The following BNC2 variants were observed in gnomAD, a reference collection of about 807,000 sequenced individuals.
The protein encoded by BNC2 is basonuclin zinc finger protein 2.
BNC2 carries 20 observed loss-of-function variants against 76.3 expected under a neutral mutation model. The ratio of observed to expected loss-of-function variants is 0.26; its 90% CI spans 0.18 to 0.38. The LOEUF (loss-of-function observed/expected upper bound fraction) is 0.38, where lower values mean the gene tolerates loss of function less well. Ranked by LOEUF, BNC2 falls within the 10% of genes least tolerant of loss-of-function variation. The probability of loss-of-function intolerance (pLI) is 1.00; values close to 1 mark genes in which losing one functional copy is unlikely to be tolerated. For synonymous variants in BNC2, 582 were observed against 514.8 expected (o/e 1.13, Z -1.77); for missense variants, 1,382 against 1,399.8 (o/e 0.99, Z 0.20).
intron 5 of BNC2, among the ~76,000 whole-genome samples, chr9:16,479,402 G>C (rs1000474615): frequency 4.6e-5 from 7 of 152,172 alleles, no homozygotes; most frequent in African/African-American, 1.7e-4. Context: ...TCATGCCAAA[G>C]AATACAGCAC....
intron 5 of BNC2, among the ~76,000 whole-genome samples, chr9:16,485,014 G>A (rs1217521556): frequency 6.6e-6 from 1 of 152,058 alleles, no homozygotes; most frequent in African/African-American, 2.4e-5. Flanking sequence ...TGTACAAGAA[G>A]AGGACTGCCG....
chr9:16,746,252 AG>A (rs1222237167), intron 1 of BNC2, among the ~76,000 whole-genome samples: 64 of 152,324 alleles, frequency 4.2e-4, no homozygotes, highest in African/African-American at 1.5e-3. Context: ...TTAAATTTTT[AG>A]GAAACTTACA....
chr9:16,636,558 C>A (rs1232600194), intron 3 of BNC2, among the ~76,000 whole-genome samples: 2 of 152,118 alleles, frequency 1.3e-5, no homozygotes, highest in Non-Finnish European at 2.9e-5. Context: ...CTACCTCGGC[C>A]TCCCAAAGTG....
At chr9:16,486,094 G>C (rs892377404) in intron 5 of BNC2, among the ~76,000 whole-genome samples, 7 of 152,158 alleles carry the variant, frequency 4.6e-5, no homozygotes, top group African/African-American at 1.2e-4. Flanking sequence ...CAGGCTTCCT[G>C]CTTTGTTGTT....
At position 16,518,212 on chromosome 9, in the gene BNC2, T is replaced by C. The variant is rs1040807177; in HGVS notation, c.669+34318A>G. Among the ~76,000 whole-genome samples, 20 of 152,146 alleles carry C rather than the reference T, an allele frequency of 1.3e-4. 1 individual carries two copies. Among genetic ancestry groups the C allele is most frequent in the Admixed American group, 7.9e-4 (12 of 15,280 alleles). On this transcript the variant is annotated intron_variant, in intron 5 of 6. Transcript: ENST00000380672. ...GGGAGGCCAAGGCGGGAGGATCACTTAGCCCAGGAGTTCAAGACCAGCCTG... is the reference window on the plus strand; with the variant it reads ...GGGAGGCCAAGGCGGGAGGATCACTCAGCCCAGGAGTTCAAGACCAGCCTG...
intron 3 of BNC2, chr9:16,727,082 G>C (rs1016031777): frequency 2.0e-5 from 3 of 152,454 alleles, no homozygotes; most frequent in Admixed American, 6.5e-5. Flanking sequence ...AGCGGCTCTG[G>C]GGAAGACGCC....
intron 1 of BNC2, among the ~76,000 whole-genome samples, chr9:16,746,952 A>T (rs1238346280): frequency 8.3e-6 from 1 of 120,458 alleles, no homozygotes; most frequent in Non-Finnish European, 1.9e-5. Context: ...ACAGAGCAAG[A>T]CTCCATCTCA....
intron 3 of BNC2, among the ~76,000 whole-genome samples, chr9:16,702,459 T>G (rs1823541942): frequency 6.7e-6 from 1 of 149,852 alleles, no homozygotes; most frequent in Admixed American, 6.7e-5. Context: ...CACTCTGACA[T>G]CCACAAAGAT....
In BNC2 at chr9:16,756,474, G is replaced by C. The variant is rs76482731; in HGVS notation, c.4-17989C>G. Reference sequence around the variant, plus strand: ...TAGCCTCCTACCTCAGCTTCTTGGAGTCACCTTTTTCTCCCTTCCAATACA... The same window carrying C: ...TAGCCTCCTACCTCAGCTTCTTGGACTCACCTTTTTCTCCCTTCCAATACA... On this transcript the variant is annotated intron_variant, in intron 1 of 6. Coordinates refer to ENST00000380672, the MANE Select transcript of BNC2 (RefSeq NM_017637.6). Among the ~76,000 whole-genome samples, 669 of 152,156 alleles carry C rather than the reference G, an allele frequency of 4.4e-3. 4 individuals are homozygous for C. Among genetic ancestry groups the C allele is most frequent in the African/African-American group, 0.016 (645 of 41,508 alleles).
At position 16,695,329 on chromosome 9, in the gene BNC2, C is replaced by G. The variant is rs542467825; in HGVS notation, c.330+32468G>C. ...TTTTTATTTTTGAGACAGGGTCTTG[C>G]TCTGTCACCCAGACTGGGATGCAGT... On this transcript the variant is annotated intron_variant, in intron 3 of 6. Transcript: ENST00000380672. 4.9e-3 allele frequency among the ~76,000 whole-genome samples: 740 copies of G among 152,120 alleles called. 10 individuals are homozygous for G. The highest frequency in any genetic ancestry group is 6.4e-3 in the Non-Finnish European group (437 of 67,996).
intron 5 of BNC2, among the ~76,000 whole-genome samples, chr9:16,537,456 A>G (rs1818166489): frequency 6.6e-6 from 1 of 152,182 alleles, no homozygotes; most frequent in Admixed American, 6.5e-5. Context: ...GCCCTCCTCA[A>G]TAGTTATGTA....
intron 3 of BNC2, among the ~76,000 whole-genome samples, chr9:16,585,333 C>T (rs949500078): frequency 6.6e-6 from 1 of 152,058 alleles, no homozygotes; most frequent in African/African-American, 2.4e-5. Flanking sequence ...TTCGGGAATT[C>T]AACTTTTTAG....
At chr9:16,712,555 G>A (rs183132475) in intron 3 of BNC2, among the ~76,000 whole-genome samples, 1 of 152,228 alleles carries the variant, frequency 6.6e-6, no homozygotes, top group East Asian at 1.9e-4. Context: ...TCAGACAACT[G>A]AAACACTAAA....
At chr9:16,515,437 T>G (rs779886488) in intron 5 of BNC2, among the ~76,000 whole-genome samples, 3 of 152,160 alleles carry the variant, frequency 2.0e-5, no homozygotes, top group Non-Finnish European at 4.4e-5. Flanking sequence ...GGCTGGTGAA[T>G]GCACCCGGCA....
intron 5 of BNC2, among the ~76,000 whole-genome samples, chr9:16,539,769 GA>G (rs1818258687): frequency 4.0e-5 from 2 of 49,522 alleles, no homozygotes; most frequent in African/African-American, 3.0e-4. Flanking sequence ...GAAAGGAAAA[GA>G]AAGGAAAGGA....
chr9:16,671,841 T>C (rs1822487037), intron 3 of BNC2, among the ~76,000 whole-genome samples: 1 of 152,182 alleles, frequency 6.6e-6, no homozygotes, highest in African/African-American at 2.4e-5. Context: ...AGACCCAAAC[T>C]CCACCAAATA....
intron 5 of BNC2, among the ~76,000 whole-genome samples, chr9:16,465,916 T>C (rs944109100): frequency 3.4e-5 from 5 of 148,850 alleles, no homozygotes; most frequent in Non-Finnish European, 5.9e-5. Context: ...GACATGACTG[T>C]TTATCTAGAA....
intron 2 of BNC2, chr9:16,728,364 T>C: frequency 2.6e-6 from 1 of 378,934 alleles, no homozygotes; most frequent in South Asian, 2.2e-5. Context: ...CCTCTCCAGA[T>C]ATACAGATAG....
chr9:16,796,964 T>C (rs1290583447), intron 1 of BNC2, among the ~76,000 whole-genome samples: 1 of 152,168 alleles, frequency 6.6e-6, no homozygotes, highest in African/African-American at 2.4e-5. Context: ...GCTTCTACGA[T>C]ATGGCACAAA....
Sources: allele counts gnomAD v4.1 joint callset (sites outside exome capture counted in the v4.1 genomes callset), GRCh38; gene constraint gnomAD v4.1.1; transcripts MANE v1.5; gene names NCBI Gene and HGNC (gene_info 2026-07-23, HGNC 2026-07-21).